TENM3: variants seen among roughly 807,000 people sequenced by gnomAD.
TENM3 encodes the protein teneurin transmembrane protein 3.
TENM3 carries 63 observed loss-of-function variants against 255.1 expected under a neutral mutation model. That is an observed-to-expected ratio of 0.25 (90% CI 0.20 to 0.30). The LOEUF (loss-of-function observed/expected upper bound fraction) is 0.30. TENM3 is among the 10% of genes least tolerant of loss of function. TENM3 has a pLI of 1.00. For missense variants in TENM3, 2,929 were observed against 3,461.1 expected, an observed-to-expected ratio of 0.85 and a Z score of 3.86; for synonymous variants, 1,306 against 1,322.3, an observed-to-expected ratio of 0.99 and a Z score of 0.27.
the TENM3 span, among the ~76,000 whole-genome samples, chr4:181,567,305 G>C: frequency 6.6e-6 from 1 of 151,990 alleles, no homozygotes; most frequent in Non-Finnish European, 1.5e-5. Flanking sequence ...TTTATAATTC[G>C]TAAAATGACT....
chr4:182,492,614 A>C (rs1379760562), intron 3 of TENM3, among the ~76,000 whole-genome samples: 1 of 152,138 alleles, frequency 6.6e-6, no homozygotes, highest in Non-Finnish European at 1.5e-5. Flanking sequence ...TATTTTTAGA[A>C]ATACTGTAGT....
chr4:182,061,527 T>C, the TENM3 span, among the ~76,000 whole-genome samples: 2 of 152,148 alleles, frequency 1.3e-5, no homozygotes, highest in Admixed American at 6.6e-5. Context: ...AGGGTCTTAA[T>C]ATTATCCCCT....
At chr4:182,749,748 T>C (rs1322963264) in intron 19 of TENM3, among the ~76,000 whole-genome samples, 1 of 152,100 alleles carries the variant, frequency 6.6e-6, no homozygotes, top group African/African-American at 2.4e-5. Context: ...ACTCAAAAGA[T>C]GTACAACTGA....
At chr4:182,349,204 G>A (rs1056111837) in intron 3 of TENM3, among the ~76,000 whole-genome samples, 8 of 152,180 alleles carry the variant, frequency 5.3e-5, no homozygotes, top group East Asian at 1.9e-4. Context: ...CTCTTTTTCC[G>A]AAGGTTTGGT....
At chr4:182,718,163 A>G (rs964327734) in intron 13 of TENM3, among the ~76,000 whole-genome samples, 3 of 151,902 alleles carry the variant, frequency 2.0e-5, no homozygotes, top group African/African-American at 7.2e-5. Flanking sequence ...TTCAACTCAA[A>G]CATTATTACA....
the TENM3 span, among the ~76,000 whole-genome samples, chr4:182,007,455 T>C: frequency 2.6e-5 from 4 of 152,362 alleles, no homozygotes; most frequent in East Asian, 7.7e-4. Context: ...TCTTGTTTCA[T>C]TGATCCCTTT....
At chr4:182,406,302 C>A (rs559368005) in intron 3 of TENM3, among the ~76,000 whole-genome samples, 10 of 149,518 alleles carry the variant, frequency 6.7e-5, no homozygotes, top group Non-Finnish European at 1.3e-4. Flanking sequence ...GAGACTCCAT[C>A]AAAAAAAATA....
At chr4:182,091,064 C>T in the TENM3 span, among the ~76,000 whole-genome samples, 1 of 152,090 alleles carries the variant, frequency 6.6e-6, no homozygotes, top group Non-Finnish European at 1.5e-5. Flanking sequence ...TATTTGAAGA[C>T]AAGGATATAA....
At chr4:181,741,260 T>A in the TENM3 span, among the ~76,000 whole-genome samples, 19 of 152,336 alleles carry the variant, frequency 1.2e-4, 1 homozygote, top group African/African-American at 4.3e-4. Flanking sequence ...GTGTTTATTT[T>A]TATTTCTGTA....
At chr4:181,505,110 C>T in the TENM3 span, among the ~76,000 whole-genome samples, 2 of 152,160 alleles carry the variant, frequency 1.3e-5, no homozygotes, top group African/African-American at 4.8e-5. Context: ...CTCGAGACAC[C>T]AATTTGCTCT....
At chr4:182,434,967 G>T (rs1193244950) in intron 3 of TENM3, among the ~76,000 whole-genome samples, 2 of 152,182 alleles carry the variant, frequency 1.3e-5, no homozygotes, top group East Asian at 3.9e-4. Flanking sequence ...GGAAAGGCAT[G>T]GAGCATTTCC....
chr4:181,826,955 T>C, the TENM3 span, among the ~76,000 whole-genome samples: 1 of 152,274 alleles, frequency 6.6e-6, no homozygotes, highest in Non-Finnish European at 1.5e-5. Flanking sequence ...GAAAGAAGTG[T>C]GGTGTTGCAG....
chr4:182,615,048 T>TAC (rs774611778), intron 4 of TENM3, among the ~76,000 whole-genome samples: 18,294 of 79,584 alleles, frequency 0.23, 1,604 homozygotes, highest in East Asian at 0.33. Flanking sequence ...AAAAAATACA[T>TAC]ATATATATAT....
chr4:182,302,103 GATT>G (rs1175020343), intron 1 of TENM3, among the ~76,000 whole-genome samples: 3 of 152,140 alleles, frequency 2.0e-5, no homozygotes, highest in Non-Finnish European at 4.4e-5. Flanking sequence ...GGAAAAAAAT[GATT>G]ATTTTGCCAA....
intron 3 of TENM3, among the ~76,000 whole-genome samples, chr4:182,442,209 T>G (rs1772542906): frequency 6.6e-6 from 1 of 152,206 alleles, no homozygotes; most frequent in Non-Finnish European, 1.5e-5. Flanking sequence ...CAGAAAATCC[T>G]GAAAAACACA....
At chr4:182,719,446 G>C (rs946580085) in intron 13 of TENM3, among the ~76,000 whole-genome samples, 4 of 151,616 alleles carry the variant, frequency 2.6e-5, no homozygotes, top group Admixed American at 6.6e-5. Flanking sequence ...ATTTTTAGTA[G>C]AGACGGGGTT....
At chr4:181,489,345 A>G in the TENM3 span, among the ~76,000 whole-genome samples, 67 of 152,308 alleles carry the variant, frequency 4.4e-4, no homozygotes, top group African/African-American at 1.6e-3. Flanking sequence ...TAGAGAAACC[A>G]GATTGGACTT....
At chr4:182,244,219 C>G (rs1291232985) in intron 1 of TENM3, among the ~76,000 whole-genome samples, 2 of 152,086 alleles carry the variant, frequency 1.3e-5, no homozygotes, top group African/African-American at 4.8e-5. Context: ...TCCCAAAGTG[C>G]TGGGATTACA....
rs11433703 is a variant in TENM3 at position 182,800,596 on chromosome 4, GA to G, written c.*254del. 903 of 379,294 alleles carry G rather than the reference GA, an allele frequency of 2.4e-3. 7 individuals are homozygous for G. Among genetic ancestry groups the G allele is most frequent in the African/African-American group, 0.016 (748 of 46,912 alleles). 23.5% of individuals were successfully genotyped at this position (379,294 alleles called of 1,614,324 possible). ...TCAGTCGGACTGAACGTAGCCAGAG[GA>G]AAAAAAAATCATCAAGGACAAAGGC... On this transcript the variant is annotated 3_prime_UTR_variant, in exon 28 of 28. Coordinates refer to ENST00000511685, the MANE Select transcript of TENM3 (RefSeq NM_001080477.4).
Sources: gnomAD v4.1 joint callset for allele counts (sites outside exome capture counted in the v4.1 genomes callset) on GRCh38, gnomAD v4.1.1 for gene constraint, MANE v1.5 for transcripts, NCBI Gene and HGNC (gene_info 2026-07-23, HGNC 2026-07-21) for gene names.